Variants in ZFYVE28 observed in about 807,000 individuals in gnomAD.
The protein encoded by ZFYVE28 is zinc finger FYVE-type containing 28.
Under a neutral mutation model 82.1 loss-of-function variants are expected in ZFYVE28, and 40 were observed. The observed-to-expected ratio is 0.49, with a 90% CI of 0.38 to 0.63. The LOEUF (loss-of-function observed/expected upper bound fraction) is 0.63. ZFYVE28 is among the 30% of genes least tolerant of loss of function. The pLI is 0.00. For missense variants in ZFYVE28, 1,321 were observed against 1,242.1 expected (o/e 1.06, Z -0.96); for synonymous variants, 612 against 546.1 (o/e 1.12, Z -1.68).
intron 2 of ZFYVE28, chr4:2,343,301 A>C (rs1376773586): frequency 6.6e-6 from 1 of 152,026 alleles, no homozygotes; most frequent in African/African-American, 2.4e-5. Context: ...ACTAATTGAC[A>C]CTCTCACCTT....
At chr4:2,272,060 G>A (rs1323927908) in intron 10 of ZFYVE28, among the ~76,000 whole-genome samples, 3 of 152,366 alleles carry the variant, frequency 2.0e-5, no homozygotes, top group East Asian at 3.9e-4. Flanking sequence ...TGCATGGCAC[G>A]TGTGTGGCCA....
At position 2,289,407 on chromosome 4, in the gene ZFYVE28, C is replaced by T. The variant is rs115639292; in HGVS notation, c.2051+14882G>A. Among the ~76,000 whole-genome samples the T allele has an allele frequency of 9.5e-3, 1,446 of 152,330 alleles. 27 individuals carry two copies. Among genetic ancestry groups the T allele is most frequent in the African/African-American group, 0.033 (1,376 of 41,556 alleles). On this transcript the variant is annotated intron_variant, in intron 8 of 12. Coordinates refer to ENST00000290974, the MANE Select transcript of ZFYVE28 (RefSeq NM_020972.3). ...CTCAGGTCCTGGGTGTGGCCCTGGG[C>T]CGCGTAACACAGGCTGTAGCACAGC... is the stretch of plus-strand genomic sequence containing the variant.
intron 2 of ZFYVE28, among the ~76,000 whole-genome samples, chr4:2,352,168 C>A (rs925080607): frequency 2.0e-5 from 3 of 152,120 alleles, no homozygotes; most frequent in African/African-American, 7.2e-5. Context: ...CCATGTTGTT[C>A]AATGTCCAGC....
chr4:2,319,724 A>AGTAACCAGTG (rs1718766171), intron 7 of ZFYVE28, among the ~76,000 whole-genome samples: 1 of 151,566 alleles, frequency 6.6e-6, no homozygotes. Flanking sequence ...ATGTGGACAC[A>AGTAACCAGTG]GACGTAAACC....
chr4:2,283,344 T>TATCCATCCATCCATCC (rs145125230), intron 8 of ZFYVE28, among the ~76,000 whole-genome samples: 1 of 120,164 alleles, frequency 8.3e-6, no homozygotes, highest in African/African-American at 3.8e-5. Flanking sequence ...CCCATCCATT[T>TATCCATCCATCCATCC]ATCCATCCAT....
In ZFYVE28 at chr4:2,339,182, C is replaced by T. The variant is rs1299680759; in HGVS notation, c.521+271G>A. Among the ~76,000 whole-genome samples, 1 of 152,196 alleles carries T rather than the reference C, an allele frequency of 6.6e-6. No homozygotes were observed. The highest frequency in any genetic ancestry group is 1.5e-5 in the Non-Finnish European group (1 of 68,024). Reference sequence around the variant, plus strand: ...GAGGCATCATGCATGTCTGGCCCCTCGGGCCTCTCCAAAGCCCTTCCCCTG... The same window carrying T: ...GAGGCATCATGCATGTCTGGCCCCTTGGGCCTCTCCAAAGCCCTTCCCCTG... On this transcript the variant is annotated intron_variant, in intron 4 of 12. Coordinates refer to ENST00000290974, the MANE Select transcript of ZFYVE28 (RefSeq NM_020972.3). The surrounding 1 kb of genome is among the most constrained non-coding windows in gnomAD (Gnocchi z 5.0).
rs572987653 is a variant in ZFYVE28, at chr4:2,344,713, A to G, written c.181-3098T>C. 3.3e-5 allele frequency among the ~76,000 whole-genome samples: 5 copies of G among 152,148 alleles called. No homozygotes were observed. In the South Asian group the frequency reaches 8.3e-4, roughly 25 times the overall value. ...GGAGTTCGAGACCAGCCAGGCCAAC[A>G]TGGAGAAACCCCGTCTCTACTAAAA... On this transcript the variant is annotated intron_variant, in intron 2 of 12. Coordinates refer to ENST00000290974, the MANE Select transcript of ZFYVE28 (RefSeq NM_020972.3).
intron 1 of ZFYVE28, among the ~76,000 whole-genome samples, chr4:2,380,875 A>T (rs935646107): frequency 6.6e-6 from 1 of 152,124 alleles, no homozygotes; most frequent in Non-Finnish European, 1.5e-5. Context: ...CCTCTTTTTC[A>T]TCCCAGTCTC....
intron 1 of ZFYVE28, among the ~76,000 whole-genome samples, chr4:2,355,200 AT>A (rs1381735499): frequency 0.014 from 9 of 630 alleles, no homozygotes; most frequent in Non-Finnish European, 0.035. Context: ...GTCCTTGAAA[AT>A]ATATATATAT....
intron 1 of ZFYVE28, among the ~76,000 whole-genome samples, chr4:2,377,074 T>G (rs916201590): frequency 9.9e-5 from 15 of 151,204 alleles, no homozygotes; most frequent in Non-Finnish European, 1.6e-4. Flanking sequence ...CAGGCTGGAG[T>G]GCAGTGGCGC....
intron 6 of ZFYVE28, chr4:2,330,247 G>C: frequency 1.0e-6 from 1 of 982,328 alleles, no homozygotes; most frequent in African/African-American, 1.7e-5. Flanking sequence ...ACTGTAGATG[G>C]GTGAGTCATA....
At chr4:2,359,594 A>T (rs988505658) in intron 1 of ZFYVE28, among the ~76,000 whole-genome samples, 11 of 152,158 alleles carry the variant, frequency 7.2e-5, no homozygotes, top group Non-Finnish European at 1.6e-4. Context: ...AGCCAAGGAG[A>T]GACCCAGCCT....
In ZFYVE28 at chr4:2,412,867, G is replaced by C. The variant is rs573702101; in HGVS notation, c.39+5418C>G. Among the ~76,000 whole-genome samples the C allele has an allele frequency of 1.3e-3, 195 of 152,320 alleles. 2 individuals are homozygous for C. Among genetic ancestry groups the C allele is most frequent in the African/African-American group, 1.3e-3 (55 of 41,568 alleles). On this transcript the variant is annotated intron_variant, in intron 1 of 12. Transcript: ENST00000290974. ...TTAAGGTCGAACAAAATGACCTAAA[G>C]ACACTCAGCCTGTGGGGCAGGACAC...
chr4:2,318,077 T>G (rs868107515), intron 7 of ZFYVE28, among the ~76,000 whole-genome samples: 1 of 152,228 alleles, frequency 6.6e-6, no homozygotes, highest in Non-Finnish European at 1.5e-5. Flanking sequence ...CACCAGCCCT[T>G]GATTAGATGT....
chr4:2,389,045 G>A lies in ZFYVE28; in HGVS notation c.39+29240C>T, dbSNP rs1729557889. On this transcript the variant is annotated intron_variant, in intron 1 of 12. Coordinates refer to ENST00000290974, the MANE Select transcript of ZFYVE28 (RefSeq NM_020972.3). Reference sequence around the variant, plus strand: ...ATTCTCCACTGTGGGGGAAGAACCTGGGAGGCTGATGAGTCCCTCCTCTGG... The same window carrying A: ...ATTCTCCACTGTGGGGGAAGAACCTAGGAGGCTGATGAGTCCCTCCTCTGG... Among the ~76,000 whole-genome samples, 3 of 152,120 alleles carry A rather than the reference G, an allele frequency of 2.0e-5. No individual in the cohort carries two copies. In the South Asian group the frequency reaches 6.2e-4, roughly 32 times the overall value.
chr4:2,330,572 T>C (rs1401709449), intron 6 of ZFYVE28: 57 of 1,191,888 alleles, frequency 4.8e-5, no homozygotes, highest in Non-Finnish European at 6.0e-5. Context: ...GAGAATGGGA[T>C]AGCATGGAGA....
intron 6 of ZFYVE28, among the ~76,000 whole-genome samples, chr4:2,333,602 A>G (rs1184140693): frequency 6.6e-6 from 1 of 152,102 alleles, no homozygotes; most frequent in Non-Finnish European, 1.5e-5. Context: ...AAGTCCAGCC[A>G]GGGCTCACCG....
At chr4:2,308,207 C>G (rs1447893306) in intron 7 of ZFYVE28, among the ~76,000 whole-genome samples, 6 of 151,986 alleles carry the variant, frequency 3.9e-5, no homozygotes, top group Admixed American at 2.0e-4. Flanking sequence ...GTAGCCTCGA[C>G]CTCCTGGGCT....
At position 2,341,790 on chromosome 4, in the gene ZFYVE28, C is replaced by T. The variant is rs900366018; in HGVS notation, c.181-175G>A. ...ATGCCAGCACTTTGGGAGGCCGAGG[C>T]GGGTGGTTTACCTGAGGTTAGGAGT... On this transcript the variant is annotated intron_variant, in intron 2 of 12. Transcript: ENST00000290974. This position sits in a 1 kb window ranked among gnomAD's most constrained non-coding sequence, Gnocchi z 4.5. Among the ~76,000 whole-genome samples, 3 of 152,258 alleles carry T rather than the reference C, an allele frequency of 2.0e-5. No individual in the cohort carries two copies. The highest frequency in any genetic ancestry group is 2.1e-4 in the South Asian group (1 of 4,830).
Sources: gnomAD v4.1 joint callset for allele counts (sites outside exome capture counted in the v4.1 genomes callset) on GRCh38, gnomAD v4.1.1 for gene constraint, Gnocchi (gnomAD v3.1) non-coding constraint, MANE v1.5 for transcripts, NCBI Gene and HGNC (gene_info 2026-07-23, HGNC 2026-07-21) for gene names.